Variants in TGFB2 observed in about 807,000 individuals in gnomAD.
TGFB2 encodes the protein transforming growth factor beta-2 proprotein.
In TGFB2, 13 loss-of-function variants were observed where a neutral mutation model predicts 42.7. The ratio of observed to expected loss-of-function variants is 0.30; its 90% CI spans 0.20 to 0.48. TGFB2 has a LOEUF of 0.48. TGFB2 is among the 20% of genes least tolerant of loss of function. TGFB2 has a pLI of 0.99. For missense variants in TGFB2, 390 were observed against 517.5 expected (o/e 0.75, Z 2.39); for synonymous variants, 193 against 193.6 (o/e 1.00, Z 0.03).
chr1:218,425,369 G>A (rs919513340), intron 2 of TGFB2, among the ~76,000 whole-genome samples: 9 of 151,836 alleles, frequency 5.9e-5, no homozygotes, highest in Non-Finnish European at 1.3e-4. Context: ...CACCACGCCC[G>A]GCTAATTTTT....
intron 1 of TGFB2, among the ~76,000 whole-genome samples, chr1:218,393,889 T>G (rs1658399881): frequency 6.6e-6 from 1 of 150,542 alleles, no homozygotes; most frequent in South Asian, 2.1e-4. Flanking sequence ...CTGAGACTCC[T>G]CTACGTTAGG....
intron 2 of TGFB2, among the ~76,000 whole-genome samples, chr1:218,416,762 G>A (rs1659295129): frequency 6.6e-6 from 1 of 152,148 alleles, no homozygotes; most frequent in African/African-American, 2.4e-5. Context: ...CAAATGTGTT[G>A]TGGGAGGGAC....
chr1:218,405,381 C>T (rs1032657957), intron 2 of TGFB2, 49 bp downstream of exon 2: 2 of 1,577,342 alleles, frequency 1.3e-6, no homozygotes, highest in South Asian at 1.1e-5. Flanking sequence ...TTGTTTTAGA[C>T]AGACTCTCTC....
At chr1:218,405,798 T>G (rs1442064746) in intron 2 of TGFB2, among the ~76,000 whole-genome samples, 3 of 152,196 alleles carry the variant, frequency 2.0e-5, no homozygotes, top group Admixed American at 6.5e-5. Context: ...TCATTTACTA[T>G]TACTGTTCTA....
chr1:218,431,459 CTG>C (rs747061268), intron 2 of TGFB2, among the ~76,000 whole-genome samples: 5 of 152,084 alleles, frequency 3.3e-5, no homozygotes, highest in Non-Finnish European at 7.3e-5. Flanking sequence ...TTTAAAAATT[CTG>C]TGTCTTTAGT....
At chr1:218,347,731 A>G (rs1218249987) in intron 1 of TGFB2, among the ~76,000 whole-genome samples, 1 of 152,222 alleles carries the variant, frequency 6.6e-6, no homozygotes, top group African/African-American at 2.4e-5. Context: ...CCTGGAGTGT[A>G]GAAAGGACAA....
At chr1:218,370,909 C>T (rs1293219755) in intron 1 of TGFB2, among the ~76,000 whole-genome samples, 2 of 152,116 alleles carry the variant, frequency 1.3e-5, no homozygotes, top group African/African-American at 2.4e-5. Context: ...GGGATGGGCC[C>T]AGGGGAGAGG....
intron 1 of TGFB2, among the ~76,000 whole-genome samples, chr1:218,404,127 A>G (rs1364685856): frequency 1.3e-5 from 2 of 150,658 alleles, no homozygotes; most frequent in Admixed American, 6.6e-5. Flanking sequence ...ACTGATTGAT[A>G]TTTGAGATGG....
intron 1 of TGFB2, among the ~76,000 whole-genome samples, chr1:218,377,208 A>G (rs897186467): frequency 6.6e-6 from 1 of 152,366 alleles, no homozygotes; most frequent in Admixed American, 6.5e-5. Flanking sequence ...TAGGAGAAGC[A>G]GTCCCTACCA....
intron 1 of TGFB2, among the ~76,000 whole-genome samples, chr1:218,388,983 A>ATCCT (rs1200979951): frequency 6.6e-6 from 1 of 152,140 alleles, no homozygotes; most frequent in African/African-American, 2.4e-5. Flanking sequence ...GCTGCTTGAT[A>ATCCT]TCCTACAGGG....
At chr1:218,435,898 G>A (rs1411675202) in intron 4 of TGFB2, 72 bp from the exon 5 acceptor site, 1 of 1,482,512 alleles carries the variant, frequency 6.7e-7, no homozygotes, top group African/African-American at 1.4e-5. Context: ...ATATACAAAG[G>A]AAAAAAATAT....
At chr1:218,437,124 A>G (rs1476990209) in intron 5 of TGFB2, among the ~76,000 whole-genome samples, 1 of 152,178 alleles carries the variant, frequency 6.6e-6, no homozygotes, top group Non-Finnish European at 1.5e-5. Context: ...TCATAAGGGC[A>G]AGTAGTCCAG....
chr1:218,414,533 T>C (rs1400717999), intron 2 of TGFB2, among the ~76,000 whole-genome samples: 1 of 152,138 alleles, frequency 6.6e-6, no homozygotes, highest in Non-Finnish European at 1.5e-5. Context: ...ATAAACACTT[T>C]GTTTGCACAA....
At chr1:218,375,712 G>A (rs1156576640) in intron 1 of TGFB2, among the ~76,000 whole-genome samples, 4 of 152,004 alleles carry the variant, frequency 2.6e-5, no homozygotes, top group African/African-American at 9.7e-5. Context: ...AAGAAAAGTG[G>A]TACCAATTTC....
At chr1:218,391,982 G>A (rs1539399) in intron 1 of TGFB2, among the ~76,000 whole-genome samples, 62,276 of 152,014 alleles carry the variant, frequency 0.41, 13,122 homozygotes, top group South Asian at 0.51. Context: ...ATGACAAAAT[G>A]TGAAAGGAAA....
chr1:218,424,404 T>C (rs1196951839), intron 2 of TGFB2, among the ~76,000 whole-genome samples: 1 of 152,234 alleles, frequency 6.6e-6, no homozygotes, highest in African/African-American at 2.4e-5. Context: ...GCATTTATGT[T>C]TGAAAAATGA....
intron 2 of TGFB2, among the ~76,000 whole-genome samples, chr1:218,429,844 A>G (rs574881304): frequency 3.3e-4 from 50 of 152,220 alleles, no homozygotes; most frequent in Non-Finnish European, 5.4e-4. Flanking sequence ...TCCAAGTGTC[A>G]TAAGCAGGTT....
intron 2 of TGFB2, among the ~76,000 whole-genome samples, chr1:218,419,716 A>G (rs1332044010): frequency 6.6e-6 from 1 of 152,218 alleles, no homozygotes; most frequent in Non-Finnish European, 1.5e-5. Context: ...ATTCTGCTCC[A>G]TTTGTTTTAA....
At chr1:218,388,698 C>G (rs1483442062) in intron 1 of TGFB2, among the ~76,000 whole-genome samples, 3 of 152,118 alleles carry the variant, frequency 2.0e-5, no homozygotes, top group Admixed American at 1.3e-4. Context: ...CTTTCTCCAT[C>G]CTGGTCCCTT....
Sources: gnomAD v4.1 joint callset for allele counts (sites outside exome capture counted in the v4.1 genomes callset) on GRCh38, gnomAD v4.1.1 for gene constraint, MANE v1.5 for transcripts, NCBI Gene and HGNC (gene_info 2026-07-23, HGNC 2026-07-21) for gene names.